CSMD3: variants seen among roughly 807,000 people sequenced by gnomAD.
The protein encoded by CSMD3 is CUB and Sushi multiple domains 3.
Under a neutral mutation model 435.2 loss-of-function variants are expected in CSMD3, and 177 were observed. The observed-to-expected ratio is 0.41, with a 90% CI of 0.36 to 0.46. The LOEUF is 0.46. CSMD3 is among the 20% of genes least tolerant of loss of function. The pLI is 0.34. For missense variants in CSMD3, 4,265 were observed against 4,504.6 expected (o/e 0.95, Z 1.52); for synonymous variants, 1,656 against 1,520.5 (o/e 1.09, Z -2.07).
intron 38 of CSMD3, among the ~76,000 whole-genome samples, chr8:112,379,824 C>T (rs1829306513): frequency 1.3e-5 from 2 of 152,038 alleles, no homozygotes; most frequent in African/African-American, 4.8e-5. Flanking sequence ...GATATACAGA[C>T]CAAAGGACAT....
intron 17 of CSMD3, among the ~76,000 whole-genome samples, chr8:112,657,839 A>C (rs1022930520): frequency 1.3e-5 from 2 of 152,138 alleles, no homozygotes; most frequent in African/African-American, 4.8e-5. Context: ...TTTATTTCCT[A>C]TTCTACTGCC....
At chr8:113,055,162 T>C (rs1157637755) in intron 5 of CSMD3, among the ~76,000 whole-genome samples, 1 of 152,138 alleles carries the variant, frequency 6.6e-6, no homozygotes, top group African/African-American at 2.4e-5. Context: ...CTACAACTCT[T>C]TCTTCCACCA....
At chr8:112,412,536 C>A (rs571016922) in intron 32 of CSMD3, among the ~76,000 whole-genome samples, 2 of 151,776 alleles carry the variant, frequency 1.3e-5, no homozygotes, top group Non-Finnish European at 2.9e-5. Context: ...CATTTTTTTT[C>A]TTCTTTAAAC....
At chr8:113,290,414 C>G (rs1330147577) in intron 2 of CSMD3, among the ~76,000 whole-genome samples, 2 of 151,552 alleles carry the variant, frequency 1.3e-5, no homozygotes, top group African/African-American at 2.4e-5. Context: ...ATTTACAAAG[C>G]TATTAGAGAC....
At chr8:113,249,620 G>A (rs751256369) in intron 3 of CSMD3, among the ~76,000 whole-genome samples, 7 of 151,966 alleles carry the variant, frequency 4.6e-5, no homozygotes, top group Non-Finnish European at 8.8e-5. Context: ...CTGGTTGTAC[G>A]TGTTTTGAAT....
At chr8:112,713,125 G>A (rs1161152600) in intron 13 of CSMD3, among the ~76,000 whole-genome samples, 2 of 152,130 alleles carry the variant, frequency 1.3e-5, no homozygotes, top group South Asian at 4.1e-4. Context: ...TGGTGCAGCA[G>A]CCCACCTGAG....
rs190294602 is a variant in CSMD3, at chr8:113,141,802, G to A, written c.709+31920C>T. Among the ~76,000 whole-genome samples, 10 of 151,010 alleles carry A rather than the reference G, an allele frequency of 6.6e-5. No homozygotes were observed. The South Asian group carries it at 1.9e-3, about 28-fold the overall frequency. On this transcript the variant is annotated intron_variant, in intron 4 of 70. Transcript: ENST00000297405. The stretch of plus-strand genomic sequence containing the variant: ...CCACCCTCTCCAGTCATTAAAAACA[G>A]TTGTAGCTAGTACAGTAATACGATA...
At chr8:112,943,936 TGA>T (rs561010605) in intron 9 of CSMD3, among the ~76,000 whole-genome samples, 16 of 151,688 alleles carry the variant, frequency 1.1e-4, no homozygotes, top group Non-Finnish European at 2.1e-4. Flanking sequence ...CCAAATGCAC[TGA>T]GTTTATCATA....
At chr8:113,135,245 A>G (rs2091387846) in intron 4 of CSMD3, among the ~76,000 whole-genome samples, 2 of 152,010 alleles carry the variant, frequency 1.3e-5, no homozygotes, top group African/African-American at 2.4e-5. Flanking sequence ...AAATATAAAT[A>G]TCATTTATAA....
chr8:112,479,718 T>C (rs550477109), intron 31 of CSMD3, among the ~76,000 whole-genome samples: 4 of 152,200 alleles, frequency 2.6e-5, no homozygotes, highest in Non-Finnish European at 5.9e-5. Flanking sequence ...ATGCTCATAA[T>C]GCAAGTGTGA....
chr8:112,377,543 A>G (rs1829058907), intron 38 of CSMD3, among the ~76,000 whole-genome samples: 1 of 152,130 alleles, frequency 6.6e-6, no homozygotes, highest in South Asian at 2.1e-4. Flanking sequence ...ACACCACAAG[A>G]AAAGAAAAGT....
At chr8:113,394,876 G>T (rs2094476329) in intron 1 of CSMD3, among the ~76,000 whole-genome samples, 1 of 152,132 alleles carries the variant, frequency 6.6e-6, no homozygotes, top group Non-Finnish European at 1.5e-5. Flanking sequence ...GGGAGGTTTA[G>T]CCTAAGATGT....
At chr8:112,665,900 T>G (rs1395054863) in intron 17 of CSMD3, among the ~76,000 whole-genome samples, 1 of 152,146 alleles carries the variant, frequency 6.6e-6, no homozygotes, top group African/African-American at 2.4e-5. Context: ...TGTCTTAGAC[T>G]GCACTAGTGT....
chr8:113,024,589 C>T (rs555951849), intron 5 of CSMD3, among the ~76,000 whole-genome samples: 26 of 152,036 alleles, frequency 1.7e-4, no homozygotes, highest in Non-Finnish European at 2.5e-4. Flanking sequence ...TAGAAGGGTA[C>T]CTTTTTCTCT....
intron 20 of CSMD3, among the ~76,000 whole-genome samples, chr8:112,644,419 T>C (rs1454290986): frequency 6.6e-6 from 1 of 152,058 alleles, no homozygotes; most frequent in Middle Eastern, 3.3e-3. Context: ...GGGATACATG[T>C]CATTCTTTAC....
At chr8:113,359,651 C>G (rs1326781040) in intron 1 of CSMD3, among the ~76,000 whole-genome samples, 1 of 152,196 alleles carries the variant, frequency 6.6e-6, no homozygotes, top group Admixed American at 6.5e-5. Flanking sequence ...TCTTTCCAGT[C>G]TTTGCTTCTG....
Position 112,685,669 on chromosome 8 carries a change from C to T in CSMD3, c.2219G>A (p.Gly740Glu), listed in dbSNP as rs1586965663. 2 of 1,613,510 alleles carry T rather than the reference C, an allele frequency of 1.2e-6. No homozygotes were observed. Among genetic ancestry groups the T allele is most frequent in the East Asian group, 4.5e-5 (2 of 44,882 alleles). Residue 740 changes from glycine (G) to glutamate (E), a missense_variant, in exon 15 of 71, where the codon GGG (glycine) becomes GAG (glutamate). Transcript: ENST00000297405. ...GATGCAATTTAAATTATTTCCATAC[C>T]CTTCTGGGTAATCAGGAGAAAGAAC... ...GTVLSPDYPEGYGNNLNCIWT... is the reference protein window; with the variant it reads ...GTVLSPDYPEEYGNNLNCIWT...
In CSMD3 at chr8:112,223,023, CT is replaced by C. The variant is rs2129728742; in HGVS notation, c.*1747del. The stretch of plus-strand genomic sequence containing the variant: ...AGTTTCTTTTCATAAAAATATACTT[CT>C]TTACAAAAGTGTATGCATTAATATA... On this transcript the variant is annotated 3_prime_UTR_variant, in exon 71 of 71. Transcript: ENST00000297405. 2.0e-5 allele frequency: 8 copies of C among 398,250 alleles called. No individual in the cohort carries two copies. Among genetic ancestry groups the C allele is most frequent in the Non-Finnish European group, 3.5e-5 (8 of 225,614 alleles). 24.7% of individuals were successfully genotyped at this position (398,250 alleles called of 1,614,324 possible).
intron 9 of CSMD3, among the ~76,000 whole-genome samples, chr8:112,932,890 A>T (rs2083159928): frequency 6.6e-6 from 1 of 152,212 alleles, no homozygotes; most frequent in African/African-American, 2.4e-5. Context: ...ATGGCTATCC[A>T]AAATACCCTG....
Sources: gnomAD v4.1 joint callset for allele counts (sites outside exome capture counted in the v4.1 genomes callset) on GRCh38, gnomAD v4.1.1 for gene constraint, MANE v1.5 for transcripts, NCBI Gene and HGNC (gene_info 2026-07-23, HGNC 2026-07-21) for gene names.